CCDC148: variants seen among roughly 807,000 people sequenced by gnomAD.
CCDC148 encodes coiled-coil domain-containing protein 148.
Under a neutral mutation model 85.7 loss-of-function variants are expected in CCDC148, and 89 were observed. That is an observed-to-expected ratio of 1.04 (90% CI 0.87 to 1.24). The LOEUF (loss-of-function observed/expected upper bound fraction) is 1.24, where lower values mean the gene tolerates loss of function less well. Ranked by LOEUF, CCDC148 falls within the 50% of genes most tolerant of loss-of-function variation. The pLI is 0.00. For missense variants in CCDC148, 692 were observed against 671.7 expected, an observed-to-expected ratio of 1.03 and a Z score of -0.33; for synonymous variants, 230 against 213.9, an observed-to-expected ratio of 1.08 and a Z score of -0.66.
intron 9 of CCDC148, 41 bp from the exon 10 acceptor site, chr2:158,250,953 A>C: frequency 6.4e-7 from 1 of 1,556,526 alleles, no homozygotes; most frequent in Non-Finnish European, 8.6e-7. Flanking sequence ...AACTATGCAC[A>C]CTGAAGTTAT....
At chr2:158,429,944 C>G (rs1211417643) in intron 1 of CCDC148, among the ~76,000 whole-genome samples, 1 of 152,066 alleles carries the variant, frequency 6.6e-6, no homozygotes, top group African/African-American at 2.4e-5. Context: ...GATCAGCAGT[C>G]AGGGAAGTGA....
intron 9 of CCDC148, among the ~76,000 whole-genome samples, chr2:158,278,776 G>A (rs747346890): frequency 2.0e-5 from 3 of 152,242 alleles, no homozygotes; most frequent in Non-Finnish European, 4.4e-5. Context: ...AGAGAGCAGT[G>A]GTTCTCCCAG....
chr2:158,382,108 C>A (rs991063606), intron 1 of CCDC148, among the ~76,000 whole-genome samples: 2 of 152,146 alleles, frequency 1.3e-5, no homozygotes, highest in Non-Finnish European at 2.9e-5. Context: ...AAGGGCCCAT[C>A]TTTGAGGCAG....
chr2:158,258,897 C>T (rs1163315763), intron 9 of CCDC148, among the ~76,000 whole-genome samples: 2 of 151,760 alleles, frequency 1.3e-5, no homozygotes, highest in Non-Finnish European at 1.5e-5. Flanking sequence ...TTCTACTGCT[C>T]ATGGGGTAAT....
intron 9 of CCDC148, among the ~76,000 whole-genome samples, chr2:158,298,304 G>A (rs1030860438): frequency 2.0e-5 from 3 of 151,792 alleles, no homozygotes; most frequent in South Asian, 2.1e-4. Context: ...TCAGGAGTTT[G>A]ACTGTCAAGT....
rs769144995 is a variant in CCDC148 at position 158,453,095 on chromosome 2, A to G, written c.25+3320T>C. 1.1e-4 allele frequency among the ~76,000 whole-genome samples: 17 copies of G among 152,374 alleles called. No individual in the cohort carries two copies. In the Middle Eastern group the frequency reaches 0.014, roughly 122 times the overall value. ...AAAGTCAAGTTCTTCCAAGAACTAA[A>G]CAAAGGACTAATAAATATTGGCTTT... is the stretch of plus-strand genomic sequence containing the variant. On this transcript the variant is annotated intron_variant, in intron 1 of 13. Coordinates refer to ENST00000283233, the MANE Select transcript of CCDC148 (RefSeq NM_138803.4).
At chr2:158,221,285 G>A (rs1041412888) in intron 10 of CCDC148, among the ~76,000 whole-genome samples, 5 of 152,100 alleles carry the variant, frequency 3.3e-5, no homozygotes, top group Non-Finnish European at 7.4e-5. Context: ...AATAAAGGTC[G>A]AGCTTATCAA....
At chr2:158,354,404 C>T (rs201147811) in intron 2 of CCDC148, among the ~76,000 whole-genome samples, 26,901 of 151,734 alleles carry the variant, frequency 0.18, 3,889 homozygotes, top group African/African-American at 0.4. Context: ...ATCTCACCAC[C>T]GATCCCACAG....
intron 9 of CCDC148, among the ~76,000 whole-genome samples, chr2:158,293,477 A>G (rs1187818708): frequency 6.6e-6 from 1 of 152,262 alleles, no homozygotes; most frequent in African/African-American, 2.4e-5. Flanking sequence ...GCAATCACAT[A>G]GCAAGTGCAG....
intron 7 of CCDC148, among the ~76,000 whole-genome samples, chr2:158,334,803 A>G (rs1238998448): frequency 6.6e-6 from 1 of 151,980 alleles, no homozygotes; most frequent in South Asian, 2.1e-4. Flanking sequence ...TTTTGATTTT[A>G]AAAAATATAT....
At chr2:158,236,368 T>C (rs1688108704) in intron 10 of CCDC148, among the ~76,000 whole-genome samples, 3 of 152,204 alleles carry the variant, frequency 2.0e-5, no homozygotes, top group South Asian at 2.1e-4. Context: ...ATAACTGTCA[T>C]GTCTTCTTTA....
chr2:158,276,770 C>A (rs996289161), intron 9 of CCDC148, among the ~76,000 whole-genome samples: 4 of 152,156 alleles, frequency 2.6e-5, no homozygotes, highest in African/African-American at 9.7e-5. Flanking sequence ...CCTTTATACA[C>A]AGATAATTAT....
chr2:158,323,073 T>G (rs1692593183), intron 7 of CCDC148, among the ~76,000 whole-genome samples: 1 of 152,162 alleles, frequency 6.6e-6, no homozygotes, highest in African/African-American at 2.4e-5. Context: ...GTCTTCATGT[T>G]ACTGATGAAA....
At chr2:158,439,818 A>G (rs767140663) in intron 1 of CCDC148, among the ~76,000 whole-genome samples, 18 of 152,184 alleles carry the variant, frequency 1.2e-4, no homozygotes, top group Non-Finnish European at 2.1e-4. Context: ...TTAAACTACA[A>G]TAAGATGCCA....
chr2:158,313,424 G>C (rs1228849905), intron 8 of CCDC148, among the ~76,000 whole-genome samples: 2 of 152,172 alleles, frequency 1.3e-5, no homozygotes, highest in Non-Finnish European at 2.9e-5. Context: ...CCTGGAGATG[G>C]TAAAGCCCCT....
chr2:158,451,503 C>T (rs1249387349), intron 1 of CCDC148, among the ~76,000 whole-genome samples: 1 of 152,000 alleles, frequency 6.6e-6, no homozygotes, highest in Admixed American at 6.6e-5. Flanking sequence ...TTTTTATTTT[C>T]CAGCCTGATT....
rs1363328385 is a variant in CCDC148, at chr2:158,376,850, GT to G, written c.26-18281del. ...CATTAGCTGCACTGAAGTGGGTAGA[GT>G]TTTTACTGCAGAGGAACTAGAGGGG... On this transcript the variant is annotated intron_variant, in intron 1 of 13. Coordinates refer to ENST00000283233, the MANE Select transcript of CCDC148 (RefSeq NM_138803.4). Among the ~76,000 whole-genome samples, 4 of 152,196 alleles carry G rather than the reference GT, an allele frequency of 2.6e-5. No homozygotes were observed. In the East Asian group the frequency reaches 7.7e-4, roughly 29 times the overall value.
intron 11 of CCDC148, among the ~76,000 whole-genome samples, chr2:158,190,683 CA>C (rs1483447987): frequency 6.6e-6 from 1 of 152,028 alleles, no homozygotes; most frequent in Non-Finnish European, 1.5e-5. Flanking sequence ...GCCATATAAT[CA>C]TTTTAACAGT....
intron 9 of CCDC148, among the ~76,000 whole-genome samples, chr2:158,301,159 T>G (rs146068530): frequency 1.1e-4 from 17 of 152,290 alleles, no homozygotes; most frequent in African/African-American, 3.9e-4. Flanking sequence ...GTGCCTGGCC[T>G]GAATTGAATT....
Sources: allele counts gnomAD v4.1 joint callset (sites outside exome capture counted in the v4.1 genomes callset), GRCh38; gene constraint gnomAD v4.1.1; transcripts MANE v1.5; gene names NCBI Gene and HGNC (gene_info 2026-07-23, HGNC 2026-07-21).